Variants in FSTL5 observed in about 807,000 individuals in gnomAD.
FSTL5 encodes the protein follistatin like 5.
In FSTL5, 62 loss-of-function variants were observed where a neutral mutation model predicts 89.1. The ratio of observed to expected loss-of-function variants is 0.70; its 90% CI spans 0.57 to 0.86. The LOEUF (loss-of-function observed/expected upper bound fraction) is 0.86, where lower values mean the gene tolerates loss of function less well. Among genes scored for constraint, FSTL5 ranks in the 40% least tolerant of loss-of-function variants. The probability of loss-of-function intolerance (pLI) is 0.00; values close to 1 mark genes in which losing one functional copy is unlikely to be tolerated. For missense variants in FSTL5, 1,057 were observed against 1,001.6 expected (o/e 1.06, Z -0.75); for synonymous variants, 383 against 346.2 (o/e 1.11, Z -1.18).
chr4:161,681,435 T>C (rs1200087121), intron 6 of FSTL5, among the ~76,000 whole-genome samples: 1 of 152,100 alleles, frequency 6.6e-6, no homozygotes, highest in African/African-American at 2.4e-5. Flanking sequence ...TGTGGTTATT[T>C]TCCATGATTG....
intron 1 of FSTL5, among the ~76,000 whole-genome samples, chr4:162,136,902 T>G (rs1379802962): frequency 6.6e-6 from 1 of 152,046 alleles, no homozygotes; most frequent in Non-Finnish European, 1.5e-5. Flanking sequence ...GCAGAATTTC[T>G]TAAACATATT....
At chr4:161,764,779 T>C (rs780327300) in intron 5 of FSTL5, among the ~76,000 whole-genome samples, 11 of 152,108 alleles carry the variant, frequency 7.2e-5, no homozygotes, top group Non-Finnish European at 1.5e-4. Flanking sequence ...TTTCTGAACA[T>C]GAATACTAAG....
intron 4 of FSTL5, among the ~76,000 whole-genome samples, chr4:161,818,264 A>G (rs1306098063): frequency 1.3e-5 from 2 of 152,204 alleles, no homozygotes; most frequent in Non-Finnish European, 2.9e-5. Flanking sequence ...GCCCGACTCC[A>G]GAGGAAAACC....
chr4:162,107,167 T>C (rs572801343), intron 2 of FSTL5, among the ~76,000 whole-genome samples: 1 of 152,210 alleles, frequency 6.6e-6, no homozygotes, highest in Admixed American at 6.5e-5. Flanking sequence ...ACAAAAGTAC[T>C]CATTCTGTAA....
At chr4:161,731,597 C>G (rs533383558) in intron 6 of FSTL5, among the ~76,000 whole-genome samples, 1 of 151,938 alleles carries the variant, frequency 6.6e-6, no homozygotes, top group Admixed American at 6.6e-5. Flanking sequence ...CCTGCAGAAC[C>G]GTAAGTCAAT....
intron 6 of FSTL5, among the ~76,000 whole-genome samples, chr4:161,757,932 T>A (rs1308753548): frequency 6.6e-6 from 1 of 152,164 alleles, no homozygotes; most frequent in East Asian, 1.9e-4. Flanking sequence ...GCTGCTTTCA[T>A]TTTATCATTT....
chr4:161,914,304 A>G (rs1218953704), intron 4 of FSTL5, among the ~76,000 whole-genome samples: 1 of 152,218 alleles, frequency 6.6e-6, no homozygotes, highest in Admixed American at 6.5e-5. Flanking sequence ...AAAAAGAAAT[A>G]GCATGAAAAT....
intron 4 of FSTL5, among the ~76,000 whole-genome samples, chr4:161,814,925 A>T (rs1240945287): frequency 1.3e-5 from 2 of 152,098 alleles, no homozygotes; most frequent in African/African-American, 4.8e-5. Context: ...TATAACTAGC[A>T]TCTAAGTGCA....
At chr4:161,407,793 G>T (rs145302058) in intron 15 of FSTL5, among the ~76,000 whole-genome samples, 1 of 150,784 alleles carries the variant, frequency 6.6e-6, no homozygotes, top group Admixed American at 6.6e-5. Flanking sequence ...TGCCTCATAG[G>T]AACATGTATA....
chr4:161,569,050 A>G (rs1246605685), intron 8 of FSTL5, among the ~76,000 whole-genome samples: 3 of 152,182 alleles, frequency 2.0e-5, no homozygotes, highest in Non-Finnish European at 4.4e-5. Context: ...CCAAAGAAAG[A>G]TTATATATTG....
intron 3 of FSTL5, among the ~76,000 whole-genome samples, chr4:162,029,429 T>C (rs983721166): frequency 1.3e-5 from 2 of 152,156 alleles, no homozygotes; most frequent in Non-Finnish European, 2.9e-5. Flanking sequence ...TAAATGTTTA[T>C]AATAATACCA....
At chr4:162,067,848 A>G (rs1298715621) in intron 2 of FSTL5, among the ~76,000 whole-genome samples, 1 of 152,088 alleles carries the variant, frequency 6.6e-6, no homozygotes, top group African/African-American at 2.4e-5. Context: ...AACTTCAGCA[A>G]AGTCTCAGGA....
Position 161,386,332 on chromosome 4 carries a change from T to G in FSTL5, c.1959A>C (p.Ala653=). 6.2e-7 allele frequency: 1 copy of G among 1,613,996 alleles called. No individual in the cohort carries two copies. The highest frequency in any genetic ancestry group is 8.5e-7 in the Non-Finnish European group (1 of 1,179,938). Residue 653 remains alanine (A), a synonymous_variant, in exon 16 of 16, where the codon GCA becomes GCC. Coordinates refer to ENST00000306100, the MANE Select transcript of FSTL5 (RefSeq NM_020116.5). ...KDYKCVPQSL[A]YTHLGGYYFI... is the part of the protein sequence containing the mutation. ...AGTAGTAGCCTCCCAAGTGTGTATA[T>G]GCCAATGACTGAGGAACGCACTTAT...
intron 2 of FSTL5, among the ~76,000 whole-genome samples, chr4:162,048,666 A>T (rs1014523481): frequency 1.3e-5 from 2 of 152,040 alleles, no homozygotes; most frequent in African/African-American, 4.8e-5. Context: ...GTATATTATT[A>T]TTCCAGAGCT....
chr4:161,857,118 T>C (rs1731746089), intron 4 of FSTL5, among the ~76,000 whole-genome samples: 1 of 152,118 alleles, frequency 6.6e-6, no homozygotes, highest in Non-Finnish European at 1.5e-5. Flanking sequence ...TGACTTGCCT[T>C]TTGACAAGGT....
At chr4:161,998,879 C>T (rs1736380779) in intron 3 of FSTL5, among the ~76,000 whole-genome samples, 1 of 151,650 alleles carries the variant, frequency 6.6e-6, no homozygotes, top group East Asian at 1.9e-4. Context: ...CACACACACA[C>T]ACACACACAC....
At chr4:161,471,010 A>G (rs898557093) in intron 13 of FSTL5, among the ~76,000 whole-genome samples, 1 of 152,208 alleles carries the variant, frequency 6.6e-6, no homozygotes, top group South Asian at 2.1e-4. Context: ...TCTACATGTA[A>G]GATCATGCCA....
chr4:161,446,181 C>T (rs1164951921), intron 15 of FSTL5, among the ~76,000 whole-genome samples: 1 of 151,930 alleles, frequency 6.6e-6, no homozygotes, highest in Non-Finnish European at 1.5e-5. Context: ...ACCACTGATG[C>T]CCACCCAAAA....
At chr4:161,782,780 C>T (rs1321383311) in intron 4 of FSTL5, among the ~76,000 whole-genome samples, 1 of 152,118 alleles carries the variant, frequency 6.6e-6, no homozygotes, top group African/African-American at 2.4e-5. Context: ...TGGCAACTGT[C>T]TCCAAATCTA....
Sources: gnomAD v4.1 joint callset for allele counts (sites outside exome capture counted in the v4.1 genomes callset) on GRCh38, gnomAD v4.1.1 for gene constraint, MANE v1.5 for transcripts, NCBI Gene and HGNC (gene_info 2026-07-23, HGNC 2026-07-21) for gene names.